Variants in TAB3 observed in about 807,000 individuals in gnomAD.
TAB3 encodes TGF-beta-activated kinase 1 and MAP3K7-binding protein 3.
In TAB3, 18 loss-of-function variants were observed where a neutral mutation model predicts 48.1. The observed-to-expected ratio is 0.37, with a 90% CI of 0.26 to 0.55. TAB3 has a LOEUF of 0.55. TAB3 is among the 20% of genes least tolerant of loss of function. The pLI, the probability that TAB3 is intolerant of heterozygous loss-of-function variation, is 0.78. For missense variants in TAB3, 414 were observed against 549.8 expected, an observed-to-expected ratio of 0.75 and a Z score of 2.47; for synonymous variants, 185 against 190.2, an observed-to-expected ratio of 0.97 and a Z score of 0.22.
intron 4 of TAB3, among the ~76,000 whole-genome samples, chrX:30,865,856 A>C (rs1158896827): frequency 8.9e-6 from 1 of 112,465 alleles, no homozygotes; most frequent in Non-Finnish European, 1.9e-5. Context: ...ACAGTAACAA[A>C]AAGTGGCTGA....
At chrX:30,878,637 G>A (rs908701645) in intron 1 of TAB3, among the ~76,000 whole-genome samples, 3 of 111,522 alleles carry the variant, frequency 2.7e-5, no homozygotes, top group Admixed American at 1.9e-4. Flanking sequence ...ATAGAATGCT[G>A]TGTCCAGTAA....
chrX:30,840,583 A>C (rs1409219169), intron 9 of TAB3, among the ~76,000 whole-genome samples: 2 of 111,038 alleles, frequency 1.8e-5, no homozygotes, highest in African/African-American at 6.6e-5. Flanking sequence ...AGGTAATTGA[A>C]TCATGGGGGC....
At chrX:30,833,687 C>T (rs1001537617) in intron 10 of TAB3, among the ~76,000 whole-genome samples, 7 of 109,152 alleles carry the variant, frequency 6.4e-5, no homozygotes, top group East Asian at 2.9e-4. Context: ...AAAAATTAGC[C>T]GGGCGTGGTG....
At chrX:30,879,376 A>T (rs1208118143) in intron 1 of TAB3, among the ~76,000 whole-genome samples, 2 of 112,308 alleles carry the variant, frequency 1.8e-5, no homozygotes, top group Admixed American at 9.4e-5. Context: ...CCACTCACGA[A>T]CAAAGATCTA....
intron 5 of TAB3, among the ~76,000 whole-genome samples, chrX:30,858,969 A>G (rs1939162441): frequency 8.9e-6 from 1 of 112,148 alleles, no homozygotes; most frequent in Non-Finnish European, 1.9e-5. Flanking sequence ...CTTTTAAAAA[A>G]AGACTCAAAA....
At chrX:30,838,652 A>C (rs1306226044) in intron 9 of TAB3, among the ~76,000 whole-genome samples, 3 of 112,531 alleles carry the variant, frequency 2.7e-5, no homozygotes, top group African/African-American at 6.5e-5. Flanking sequence ...CAGTCAGTTA[A>C]TGAACATGGT....
At chrX:30,868,340 TTATATATATAGCTTATA>T (rs1487417030) in intron 2 of TAB3, among the ~76,000 whole-genome samples, 1 of 5,953 alleles carries the variant, frequency 1.7e-4, no homozygotes, top group African/African-American at 9.1e-4. Flanking sequence ...ATATAAGCTT[TTATATATATAGCTTATA>T]TATATATATA....
chrX:30,869,571 T>C (rs1307477654), intron 2 of TAB3, among the ~76,000 whole-genome samples: 1 of 112,473 alleles, frequency 8.9e-6, no homozygotes, highest in Non-Finnish European at 1.9e-5. Flanking sequence ...CAGTGCCTTG[T>C]ACACACTAAA....
intron 6 of TAB3, 54 bp from the exon 7 acceptor site, chrX:30,852,992 G>A (rs1938915140): frequency 8.7e-7 from 1 of 1,146,356 alleles, no homozygotes. Context: ...CAAGCGACTG[G>A]AAAATTTCGA....
At chrX:30,850,785 CT>C (rs756585121) in intron 7 of TAB3, among the ~76,000 whole-genome samples, 100 of 93,367 alleles carry the variant, frequency 1.1e-3, no homozygotes, top group Non-Finnish European at 1.5e-3. Context: ...GGGCTTTTTT[CT>C]TTTTTTTTTT....
In TAB3 at chrX:30,841,414, C is replaced by CA. The variant is rs34085528; in HGVS notation, c.1888+1551dup. Reference sequence around the variant, plus strand: ...TGGGTGACAGAGAGAGTCTCCATCTCAAAAAAAAAAAAGAAATCAATAGGC... The same window carrying CA: ...TGGGTGACAGAGAGAGTCTCCATCTCAAAAAAAAAAAAAGAAATCAATAGGC... On this transcript the variant is annotated intron_variant, in intron 9 of 10. Transcript: ENST00000288422. Among the ~76,000 whole-genome samples, 32 of 93,351 alleles carry CA rather than the reference C, an allele frequency of 3.4e-4. 1 individual carries two copies. The highest frequency in any genetic ancestry group is 5.2e-4 in the African/African-American group (13 of 24,949). 81.1% of individuals were successfully genotyped at this position (93,351 alleles called of 115,157 possible). A position where few individuals can be genotyped will look rare whatever the true frequency, so the allele number is the denominator to read the frequency against.
In TAB3 at chrX:30,854,331, G is replaced by A; in HGVS notation, c.1334C>T (p.Pro445Leu). Residue 445 changes from proline to leucine, a missense_variant, in exon 6 of 11, where the codon CCT becomes CTT. Transcript: ENST00000288422. Reference protein sequence around the residue: ...TGPSCTPSPSPRVIPNPTTVF... With the variant: ...TGPSCTPSPSLRVIPNPTTVF... ...TGTAGTTGGGTTTGGTATCACTCGA[G>A]GAGATGGTGATGGAGTACAAGAAGG... The A allele has an allele frequency of 8.3e-7, 1 of 1,211,554 alleles. No homozygotes were observed. The highest frequency in any genetic ancestry group is 1.1e-6 in the Non-Finnish European group (1 of 895,416).
chrX:30,850,146 G>C (rs781644415), intron 7 of TAB3, among the ~76,000 whole-genome samples: 1 of 111,084 alleles, frequency 9.0e-6, no homozygotes, highest in Non-Finnish European at 1.9e-5. Flanking sequence ...GCCTACTCAC[G>C]GTCTCAACCA....
rs766849808 is a variant in TAB3 at position 30,867,359 on chromosome X, C to T, written c.-195+106G>A. 8 of 111,769 alleles carry T rather than the reference C, an allele frequency of 7.2e-5. No homozygotes were observed. In the East Asian group the frequency reaches 2.2e-3, roughly 31 times the overall value. The allele number at this position is 111,769 out of a possible 1,213,427, so 9.2% of individuals were successfully genotyped here. On this transcript the variant is annotated intron_variant, in intron 3 of 10. Coordinates refer to ENST00000288422, the MANE Select transcript of TAB3 (RefSeq NM_152787.5). ...TGTAAGCTGTTAATAATAGGGGAAA[C>T]TGAGTGCAGGGTATATGGGGACTCC...
Position 30,838,706 on chromosome X carries a change from A to ATGTT in TAB3, c.1888+4256_1888+4259dup, listed in dbSNP as rs902752420. 1.4e-4 allele frequency among the ~76,000 whole-genome samples: 16 copies of ATGTT among 111,850 alleles called. 1 individual carries two copies. Among genetic ancestry groups the ATGTT allele is most frequent in the African/African-American group, 4.5e-4 (14 of 30,776 alleles). ...AGGTCTTCTTAAATATCTTTTGACA[A>ATGTT]TGTTTTATAGTTTTCAATGTATACA... is the stretch of plus-strand genomic sequence containing the variant. On this transcript the variant is annotated intron_variant, in intron 9 of 10. Coordinates refer to ENST00000288422, the MANE Select transcript of TAB3 (RefSeq NM_152787.5).
chrX:30,856,873 A>C (rs186224126), intron 5 of TAB3, among the ~76,000 whole-genome samples: 3 of 111,427 alleles, frequency 2.7e-5, no homozygotes, highest in African/African-American at 9.8e-5. Flanking sequence ...TTAACAGAAA[A>C]GCCAATTCTA....
intron 4 of TAB3, among the ~76,000 whole-genome samples, chrX:30,865,403 T>TC (rs1939375854): frequency 8.9e-6 from 1 of 112,516 alleles, no homozygotes; most frequent in African/African-American, 3.2e-5. Flanking sequence ...GTTGGTCTGG[T>TC]CCAGTAATAA....
chrX:30,865,977 C>T (rs766278464), intron 4 of TAB3, among the ~76,000 whole-genome samples: 4 of 111,504 alleles, frequency 3.6e-5, no homozygotes, highest in South Asian at 7.5e-4. Context: ...GAGAGGAATA[C>T]GATAGTTATT....
chrX:30,846,683 T>A, intron 7 of TAB3, 39 bp from the exon 8 acceptor site: 3 of 943,636 alleles, frequency 3.2e-6, no homozygotes, highest in Non-Finnish European at 4.5e-6. Flanking sequence ...TGTGGGAAAG[T>A]CATTATCAAG....
Sources: allele counts gnomAD v4.1 joint callset (sites outside exome capture counted in the v4.1 genomes callset), GRCh38; gene constraint gnomAD v4.1.1; transcripts MANE v1.5; gene names NCBI Gene and HGNC (gene_info 2026-07-23, HGNC 2026-07-21).